The following CDH4 variants were observed in gnomAD, a reference collection of about 807,000 sequenced individuals.
The protein encoded by CDH4 is cadherin-4.
CDH4 carries 33 observed loss-of-function variants against 86.0 expected under a neutral mutation model. The ratio of observed to expected loss-of-function variants is 0.38; its 90% CI spans 0.29 to 0.51. The LOEUF is 0.51. Among genes scored for constraint, CDH4 ranks in the 20% least tolerant of loss-of-function variants. CDH4 has a pLI of 0.86. For synonymous variants in CDH4, 555 were observed against 549.4 expected, an observed-to-expected ratio of 1.01 and a Z score of -0.14; for missense variants, 1,114 against 1,307.4, an observed-to-expected ratio of 0.85 and a Z score of 2.28.
At chr20:61,813,463 T>C (rs1358520674) in intron 4 of CDH4, among the ~76,000 whole-genome samples, 1 of 152,170 alleles carries the variant, frequency 6.6e-6, no homozygotes, top group African/African-American at 2.4e-5. Context: ...TTTCCACCAA[T>C]GGGGACCTGA....
At chr20:61,275,480 A>G (rs1207271842) in intron 2 of CDH4, among the ~76,000 whole-genome samples, 2 of 113,012 alleles carry the variant, frequency 1.8e-5, no homozygotes, top group African/African-American at 3.6e-5. Flanking sequence ...TTGGGGGAGT[A>G]TCATGTGCAG....
intron 6 of CDH4, among the ~76,000 whole-genome samples, chr20:61,872,774 C>A (rs950084404): frequency 2.6e-5 from 4 of 152,216 alleles, no homozygotes; most frequent in Admixed American, 1.3e-4. Flanking sequence ...GAGAGCCCGC[C>A]GTGCCAGCAT....
chr20:61,550,747 T>C (rs955433045), intron 2 of CDH4, among the ~76,000 whole-genome samples: 2 of 152,200 alleles, frequency 1.3e-5, no homozygotes, highest in African/African-American at 4.8e-5. Flanking sequence ...CATGGTGGTG[T>C]CTGTGCTCTT....
At position 61,383,798 on chromosome 20, in the gene CDH4, C is replaced by CGT. The variant is rs1555844349; in HGVS notation, c.169+128861_169+128862insGT. 1.1e-3 allele frequency among the ~76,000 whole-genome samples: 52 copies of CGT among 49,066 alleles called. 1 individual carries two copies. The highest frequency in any genetic ancestry group is 2.9e-3 in the East Asian group (4 of 1,356). 32.2% of individuals were successfully genotyped at this position (49,066 alleles called of 152,430 possible). ...ATGCATATATATGAAGATATATATG[C>CGT]ATATATATGAAGATATATATGCGTA... On this transcript the variant is annotated intron_variant, in intron 2 of 15. Transcript: ENST00000614565.
chr20:61,704,405 C>T (rs957394454), intron 2 of CDH4, among the ~76,000 whole-genome samples: 7 of 152,130 alleles, frequency 4.6e-5, no homozygotes, highest in South Asian at 2.1e-4. Context: ...CCTTGTGGGG[C>T]GCTCTCGTTA....
At chr20:61,568,243 G>A (rs1443903831) in intron 2 of CDH4, among the ~76,000 whole-genome samples, 3 of 152,158 alleles carry the variant, frequency 2.0e-5, no homozygotes, top group Non-Finnish European at 4.4e-5. Context: ...CACATGTGGT[G>A]GGAGGGAGCC....
At chr20:61,384,206 C>T (rs1600925284) in intron 2 of CDH4, among the ~76,000 whole-genome samples, 1 of 152,248 alleles carries the variant, frequency 6.6e-6, no homozygotes, top group East Asian at 1.9e-4. Flanking sequence ...AACACCCTCA[C>T]AGACATACCC....
intron 4 of CDH4, among the ~76,000 whole-genome samples, chr20:61,818,281 G>C (rs1050487160): frequency 1.3e-5 from 2 of 152,182 alleles, no homozygotes; most frequent in African/African-American, 2.4e-5. Flanking sequence ...GCTGGGGTGT[G>C]GGGGAGGCCC....
chr20:61,448,724 C>G (rs769885000), intron 2 of CDH4, among the ~76,000 whole-genome samples: 1 of 152,244 alleles, frequency 6.6e-6, no homozygotes, highest in East Asian at 1.9e-4. Context: ...TTATGATGAA[C>G]TTTTCCTCGC....
chr20:61,416,741 C>T (rs541355280), intron 2 of CDH4, among the ~76,000 whole-genome samples: 10 of 152,350 alleles, frequency 6.6e-5, no homozygotes, highest in South Asian at 4.1e-4. Flanking sequence ...CGCCCCTTGA[C>T]GCCCTGTGGA....
In CDH4 at chr20:61,928,305, C is replaced by T. The variant is rs753353095; in HGVS notation, c.1887C>T (p.Asn629=). 26 of 1,610,710 alleles carry T rather than the reference C, an allele frequency of 1.6e-5. No homozygotes were observed. Among genetic ancestry groups the T allele is most frequent in the East Asian group, 4.5e-5 (2 of 44,904 alleles). ...AGATCTGCGAGAAGCCCAACCTGAA[C>T]GCCATCAACATCACGGCGGCCGACG... ...EAQICEKPNL[N]AINITAADAD... The change falls in exon 12 of 16, where the codon AAC becomes AAT. Residue 629 remains asparagine, a synonymous_variant. Coordinates refer to ENST00000614565, the MANE Select transcript of CDH4 (RefSeq NM_001794.5).
intron 6 of CDH4, among the ~76,000 whole-genome samples, chr20:61,865,698 T>C (rs901962206): frequency 2.0e-5 from 3 of 151,970 alleles, no homozygotes; most frequent in Non-Finnish European, 2.9e-5. Context: ...CTGGCTGGTT[T>C]GTGTATGTAA....
At chr20:61,928,059 G>T (rs191412665) in intron 11 of CDH4, 131 bp from the exon 12 acceptor site, 1 of 764,308 alleles carries the variant, frequency 1.3e-6, no homozygotes, top group Non-Finnish European at 2.3e-6. Flanking sequence ...GGCCGTGTCC[G>T]GCTGGGGGTC....
chr20:61,534,888 C>T lies in CDH4; in HGVS notation c.170-208675C>T, dbSNP rs1190944975. Reference sequence around the variant, plus strand: ...CAGAGATGCCTGCTCATCCTCAACCCGATGGCCTCCCTTGCTGGGACGCTC... The same window carrying T: ...CAGAGATGCCTGCTCATCCTCAACCTGATGGCCTCCCTTGCTGGGACGCTC... On this transcript the variant is annotated intron_variant, in intron 2 of 15. Transcript: ENST00000614565. Among the ~76,000 whole-genome samples the T allele has an allele frequency of 2.7e-5, 4 of 147,710 alleles. No individual in the cohort carries two copies. The South Asian group carries it at 8.9e-4, about 33-fold the overall frequency.
chr20:61,629,012 GGC>G (rs1221802678), intron 2 of CDH4, among the ~76,000 whole-genome samples: 1 of 152,262 alleles, frequency 6.6e-6, no homozygotes, highest in Non-Finnish European at 1.5e-5. Flanking sequence ...TCTCAGCCAA[GGC>G]ATCTCGCAAG....
At position 61,510,708 on chromosome 20, in the gene CDH4, T is replaced by C. The variant is rs1457141831; in HGVS notation, c.170-232855T>C. 6.6e-6 allele frequency among the ~76,000 whole-genome samples: 1 copy of C among 152,114 alleles called. No homozygotes were observed. Among genetic ancestry groups the C allele is most frequent in the Non-Finnish European group, 1.5e-5 (1 of 68,026 alleles). On this transcript the variant is annotated intron_variant, in intron 2 of 15. Coordinates refer to ENST00000614565, the MANE Select transcript of CDH4 (RefSeq NM_001794.5). This position sits in a 1 kb window ranked among gnomAD's most constrained non-coding sequence, Gnocchi z 4.2. ...AGGCGGGAAGGTGTGCCCTCCATTA[T>C]ATAGAGGAGGCAGGTTGAAAATTGT...
intron 7 of CDH4, among the ~76,000 whole-genome samples, chr20:61,887,144 A>AAG (rs1984582381): frequency 1.4e-5 from 2 of 146,688 alleles, no homozygotes; most frequent in Non-Finnish European, 3.0e-5. Flanking sequence ...GAAAAGGGGG[A>AAG]GATGGGCACA....
At position 61,480,861 on chromosome 20, in the gene CDH4, G is replaced by A. The variant is rs992289007; in HGVS notation, c.169+225924G>A. Among the ~76,000 whole-genome samples the A allele has an allele frequency of 6.6e-6, 1 of 152,258 alleles. No individual in the cohort carries two copies. The highest frequency in any genetic ancestry group is 2.4e-5 in the African/African-American group (1 of 41,474). ...CTTTGAACTGCAGTTTGTTGGCTGT[G>A]CATTAGGTCTGCTCCTACATGCATT... On this transcript the variant is annotated intron_variant, in intron 2 of 15. Transcript: ENST00000614565. This position sits in a 1 kb window ranked among gnomAD's most constrained non-coding sequence, Gnocchi z 5.2.
In CDH4 at chr20:61,779,992, A is replaced by G. The variant is rs16985583; in HGVS notation, c.576+6810A>G. On this transcript the variant is annotated intron_variant, in intron 4 of 15. Transcript: ENST00000614565. ...CACTTTCCAATACTCTAAAGCATCC[A>G]TGTGTGTACAAATGACTCACGTGGC... 5.6e-3 allele frequency among the ~76,000 whole-genome samples: 848 copies of G among 152,346 alleles called. 8 individuals are homozygous for G. The highest frequency in any genetic ancestry group is 0.019 in the African/African-American group (803 of 41,580).
Sources: allele counts gnomAD v4.1 joint callset (sites outside exome capture counted in the v4.1 genomes callset), GRCh38; gene constraint gnomAD v4.1.1; non-coding constraint Gnocchi (gnomAD v3.1); transcripts MANE v1.5; gene names NCBI Gene and HGNC (gene_info 2026-07-23, HGNC 2026-07-21).